MYO5A: variants seen among roughly 807,000 people sequenced by gnomAD.
The protein encoded by MYO5A is myosin VA.
A neutral mutation model predicts 249.7 loss-of-function variants in MYO5A; 98 were observed. That is an observed-to-expected ratio of 0.39 (90% CI 0.33 to 0.46). The LOEUF (loss-of-function observed/expected upper bound fraction) is 0.46. MYO5A is among the 20% of genes least tolerant of loss of function. The pLI is 0.98. For missense variants in MYO5A, 1,696 were observed against 2,308.8 expected (o/e 0.73, Z 5.44); for synonymous variants, 778 against 810.6 (o/e 0.96, Z 0.68).
Position 52,519,788 on chromosome 15 carries a change from C to T in MYO5A, c.27+8992G>A, listed in dbSNP as rs573271235. 6.3e-4 allele frequency among the ~76,000 whole-genome samples: 95 copies of T among 151,750 alleles called. No individual in the cohort carries two copies. The South Asian group carries it at 0.019, about 30-fold the overall frequency. ...CTTTGTCGCCCAGGCTGGAGTGCAC[C>T]GGCACGATCTCAACTCACTGGAACC... On this transcript the variant is annotated intron_variant, in intron 1 of 41. Transcript: ENST00000399233.
chr15:52,358,570 GT>G (rs1365479584), intron 25 of MYO5A, among the ~76,000 whole-genome samples: 1 of 152,132 alleles, frequency 6.6e-6, no homozygotes, highest in Non-Finnish European at 1.5e-5. Context: ...CACTGGGCCA[GT>G]TCTGGGCCTA....
At chr15:52,374,170 T>A (rs1342486227) in intron 20 of MYO5A, among the ~76,000 whole-genome samples, 2 of 152,230 alleles carry the variant, frequency 1.3e-5, no homozygotes, top group East Asian at 3.9e-4. Context: ...AAATCGTTCA[T>A]CAATGGTCAC....
chr15:52,522,838 A>AT (rs1191861297), intron 1 of MYO5A, among the ~76,000 whole-genome samples: 1 of 32,140 alleles, frequency 3.1e-5, no homozygotes, highest in African/African-American at 4.8e-5. Context: ...CTCTTTCATT[A>AT]TTTAAAAAAA....
chr15:52,365,613 G>A (rs758775720), intron 23 of MYO5A, among the ~76,000 whole-genome samples: 21 of 152,210 alleles, frequency 1.4e-4, no homozygotes, highest in African/African-American at 4.3e-4. Context: ...CTGTGAGCAC[G>A]ATGAGGCAAG....
At chr15:52,493,030 C>T (rs1224790830) in intron 1 of MYO5A, among the ~76,000 whole-genome samples, 1 of 150,914 alleles carries the variant, frequency 6.6e-6, no homozygotes, top group Non-Finnish European at 1.5e-5. Flanking sequence ...AGTCTATCAC[C>T]AAGGCCTGAG....
chr15:52,385,772 T>C (rs1194009427), intron 14 of MYO5A, among the ~76,000 whole-genome samples: 1 of 152,158 alleles, frequency 6.6e-6, no homozygotes, highest in Non-Finnish European at 1.5e-5. Context: ...CTGGCTTCTA[T>C]CAGATGCAGT....
intron 36 of MYO5A, among the ~76,000 whole-genome samples, chr15:52,325,845 C>T (rs183900156): frequency 6.6e-5 from 10 of 152,066 alleles, no homozygotes; most frequent in African/African-American, 2.4e-4. Flanking sequence ...AAATAGAATG[C>T]CAACTCTTTA....
intron 1 of MYO5A, among the ~76,000 whole-genome samples, chr15:52,477,452 G>A (rs779277059): frequency 3.3e-5 from 5 of 152,132 alleles, no homozygotes; most frequent in Admixed American, 1.3e-4. Flanking sequence ...AAGGAGCTGC[G>A]TTCCTTTGTG....
chr15:52,375,587 T>C (rs2141105341), intron 19 of MYO5A, 127 bp from the exon 20 acceptor site: 1 of 974,496 alleles, frequency 1.0e-6, no homozygotes, highest in Non-Finnish European at 1.6e-6. Flanking sequence ...ATTCTAATAA[T>C]GTGCATGCTA....
At position 52,310,810 on chromosome 15, in the gene MYO5A, C is replaced by A. The variant is rs2037750090; in HGVS notation, c.*2886G>T. 6.6e-6 allele frequency: 1 copy of A among 152,236 alleles called. No individual in the cohort carries two copies. The highest frequency in any genetic ancestry group is 1.5e-5 in the Non-Finnish European group (1 of 68,086). 9.4% of individuals were successfully genotyped at this position (152,236 alleles called of 1,614,324 possible). On this transcript the variant is annotated 3_prime_UTR_variant, in exon 42 of 42. Coordinates refer to ENST00000399233, the MANE Select transcript of MYO5A (RefSeq NM_001382347.1). ...AGGGAAAGCAATCCTCAAACTGGCCCAAAGATCCCCATAGTCGGCAGAATC... is the reference window on the plus strand; with the variant it reads ...AGGGAAAGCAATCCTCAAACTGGCCAAAAGATCCCCATAGTCGGCAGAATC...
At chr15:52,451,564 G>A (rs542866058) in intron 1 of MYO5A, among the ~76,000 whole-genome samples, 1 of 152,196 alleles carries the variant, frequency 6.6e-6, no homozygotes, top group South Asian at 2.1e-4. Flanking sequence ...CAGAAGGTTC[G>A]AAGAACCAAC....
At chr15:52,475,091 C>A (rs1337961356) in intron 1 of MYO5A, among the ~76,000 whole-genome samples, 2 of 152,146 alleles carry the variant, frequency 1.3e-5, no homozygotes, top group Non-Finnish European at 2.9e-5. Flanking sequence ...TTCAGGGATT[C>A]AGCTTCTTCC....
chr15:52,501,278 G>GT (rs996340810), intron 1 of MYO5A, among the ~76,000 whole-genome samples: 92 of 148,162 alleles, frequency 6.2e-4, no homozygotes, highest in East Asian at 2.6e-3. Context: ...GCCAGAAAAC[G>GT]TTTTTTTTTT....
rs536285067 is a variant in MYO5A at position 52,413,011 on chromosome 15, G to C, written c.613-2535C>G. ...TAAAATACGACAGTAGCTGAGCGTGGTGGCATGTGCCTGTAATCCCAGCTA... is the reference window on the plus strand; with the variant it reads ...TAAAATACGACAGTAGCTGAGCGTGCTGGCATGTGCCTGTAATCCCAGCTA... On this transcript the variant is annotated intron_variant, in intron 5 of 41. Coordinates refer to ENST00000399233, the MANE Select transcript of MYO5A (RefSeq NM_001382347.1). 2.0e-5 allele frequency among the ~76,000 whole-genome samples: 3 copies of C among 152,090 alleles called. No homozygotes were observed. In the South Asian group the frequency reaches 6.2e-4, roughly 32 times the overall value.
intron 38 of MYO5A, among the ~76,000 whole-genome samples, chr15:52,320,343 T>C (rs749190639): frequency 6.6e-6 from 1 of 152,208 alleles, no homozygotes; most frequent in African/African-American, 2.4e-5. Context: ...AGAACCGGCA[T>C]GTTTGTTGTT....
chr15:52,346,344 A>C lies in MYO5A; in HGVS notation c.3959+17T>G, dbSNP rs773954360. 1.4e-6 allele frequency: 2 copies of C among 1,463,916 alleles called. No individual in the cohort carries two copies. Among genetic ancestry groups the C allele is most frequent in the Non-Finnish European group, 1.9e-6 (2 of 1,047,302 alleles). The allele number at this position is 1,463,916 out of a possible 1,614,324, so 90.7% of individuals were successfully genotyped here. On this transcript the variant is annotated intron_variant, in intron 30 of 41. Coordinates refer to ENST00000399233, the MANE Select transcript of MYO5A (RefSeq NM_001382347.1). ...AATATAATTAAACCAAAATGAATAA[A>C]AGAAGGATCAACTTACCTATTTGTT...
At chr15:52,483,786 T>C (rs2076763338) in intron 1 of MYO5A, among the ~76,000 whole-genome samples, 1 of 152,210 alleles carries the variant, frequency 6.6e-6, no homozygotes, top group Non-Finnish European at 1.5e-5. Flanking sequence ...GTCCACACCC[T>C]TATGACAGCC....
intron 1 of MYO5A, among the ~76,000 whole-genome samples, chr15:52,472,050 G>A (rs758861909): frequency 6.6e-6 from 1 of 150,448 alleles, no homozygotes; most frequent in Non-Finnish European, 1.5e-5. Context: ...CCTCTTGGTC[G>A]GCAGAAGCGT....
At chr15:52,488,280 T>C (rs962875581) in intron 1 of MYO5A, among the ~76,000 whole-genome samples, 2 of 152,080 alleles carry the variant, frequency 1.3e-5, no homozygotes, top group African/African-American at 4.8e-5. Context: ...CATTTGTAAA[T>C]ATATGTAGCT....
Sources: allele counts gnomAD v4.1 joint callset (sites outside exome capture counted in the v4.1 genomes callset), GRCh38; gene constraint gnomAD v4.1.1; transcripts MANE v1.5; gene names NCBI Gene and HGNC (gene_info 2026-07-23, HGNC 2026-07-21).